The following SPEF2 variants were observed in gnomAD, a reference collection of about 807,000 sequenced individuals.
The protein encoded by SPEF2 is sperm flagellar and cilia associated 2.
In SPEF2, 187 loss-of-function variants were observed where a neutral mutation model predicts 224.6. That is an observed-to-expected ratio of 0.83 (90% CI 0.74 to 0.94). SPEF2 has a LOEUF of 0.94. SPEF2 is among the 40% of genes least tolerant of loss of function. The pLI is 0.00. For missense variants in SPEF2, 2,170 were observed against 2,135.6 expected (o/e 1.02, Z -0.32); for synonymous variants, 715 against 707.3 (o/e 1.01, Z -0.17).
In SPEF2 at chr5:35,654,722, A is replaced by G. The variant is rs761923694; in HGVS notation, c.974A>G (p.Gln325Arg). 1.9e-6 allele frequency: 3 copies of G among 1,605,028 alleles called. No individual in the cohort carries two copies. Among genetic ancestry groups the G allele is most frequent in the South Asian group, 2.2e-5 (2 of 88,982 alleles). The change falls in exon 7 of 37, where the codon CAA (glutamine) becomes CGA (arginine). Residue 325 changes from glutamine to arginine, a missense_variant. Physicochemically the swap from Gln to Arg is conservative, Grantham distance 43 (BLOSUM62 1). Coordinates refer to ENST00000356031, the MANE Select transcript of SPEF2 (RefSeq NM_024867.4). ...LMDQLIAHEA[Q>R]EEAYREEQLI... ...GACCAGTTAATAGCCCACGAAGCAC[A>G]AGAGGTAAGATATTTAGATGAAGGT...
intron 21 of SPEF2, among the ~76,000 whole-genome samples, chr5:35,737,676 G>A (rs997761091): frequency 4.0e-4 from 61 of 152,222 alleles, no homozygotes; most frequent in African/African-American, 1.3e-3. Context: ...ATAAACATAC[G>A]TATGCATGTG....
chr5:35,715,188 A>T (rs1475990249), intron 20 of SPEF2, among the ~76,000 whole-genome samples: 2 of 152,132 alleles, frequency 1.3e-5, no homozygotes, highest in Non-Finnish European at 2.9e-5. Context: ...AAGTGCTGGG[A>T]TTACAGGCCT....
intron 1 of SPEF2, among the ~76,000 whole-genome samples, chr5:35,624,162 C>T (rs1424958949): frequency 6.6e-6 from 1 of 152,088 alleles, no homozygotes; most frequent in African/African-American, 2.4e-5. Flanking sequence ...CTGTCCCAGC[C>T]TAACATTATC....
At position 35,659,086 on chromosome 5, in the gene SPEF2, C is replaced by T; in HGVS notation, c.1046C>T (p.Ala349Val). The change falls in exon 8 of 37, where the codon GCC (alanine) becomes GTC (valine). Residue 349 changes from alanine (A) to valine (V), a missense_variant. Coordinates refer to ENST00000356031, the MANE Select transcript of SPEF2 (RefSeq NM_024867.4). ...CAGTCCCAGCAGGAGCGCAGGATTGCCGTGCAGCTCATGCATGTTCGGCAT... is the reference window on the plus strand; with the variant it reads ...CAGTCCCAGCAGGAGCGCAGGATTGTCGTGCAGCTCATGCATGTTCGGCAT... ...MRQSQQERRIAVQLMHVRHEK... is the reference protein window; with the variant it reads ...MRQSQQERRIVVQLMHVRHEK... 6.2e-7 allele frequency: 1 copy of T among 1,611,564 alleles called. No individual in the cohort carries two copies. The highest frequency in any genetic ancestry group is 8.5e-7 in the Non-Finnish European group (1 of 1,178,544).
At chr5:35,763,024 G>A (rs935557356) in intron 25 of SPEF2, among the ~76,000 whole-genome samples, 1 of 152,148 alleles carries the variant, frequency 6.6e-6, no homozygotes, top group Admixed American at 6.5e-5. Flanking sequence ...ATGTGTTACT[G>A]TCAGAGGAGA....
chr5:35,667,176 G>A lies in SPEF2; in HGVS notation c.1272G>A (p.Lys424=), dbSNP rs1487825165. ...AVERAQARYE[K]HYSVCAEILD... ...AAAGAGCTCAAGCTCGTTATGAAAA[G>A]CATTATTCAGTATGTGCAGAAATTT... The change falls in exon 9 of 37, where the codon AAG becomes AAA. Residue 424 remains lysine (K), a synonymous_variant. Coordinates refer to ENST00000356031, the MANE Select transcript of SPEF2 (RefSeq NM_024867.4). 24 of 1,612,174 alleles carry A rather than the reference G, an allele frequency of 1.5e-5. No individual in the cohort carries two copies. Among genetic ancestry groups the A allele is most frequent in the Non-Finnish European group, 2.0e-5 (23 of 1,179,160 alleles).
chr5:35,783,734 C>G (rs1754672125), intron 30 of SPEF2, among the ~76,000 whole-genome samples: 1 of 152,132 alleles, frequency 6.6e-6, no homozygotes, highest in Non-Finnish European at 1.5e-5. Context: ...CAAACAAAAG[C>G]ATTCATTTTG....
intron 30 of SPEF2, chr5:35,781,803 A>G (rs1369874812): frequency 6.6e-6 from 1 of 152,182 alleles, no homozygotes; most frequent in Middle Eastern, 3.2e-3. Flanking sequence ...TTTTAGGTAT[A>G]TCTAAAATAA....
chr5:35,663,063 A>T (rs555042756), intron 8 of SPEF2, among the ~76,000 whole-genome samples: 1 of 152,248 alleles, frequency 6.6e-6, no homozygotes, highest in Non-Finnish European at 1.5e-5. Flanking sequence ...TCTATTAAGT[A>T]TTGCTGTGGA....
At position 35,771,675 on chromosome 5, in the gene SPEF2, G is replaced by GA; in HGVS notation, c.3873dup (p.Ser1292IlefsTer8). 1 of 1,611,730 alleles carries GA rather than the reference G, an allele frequency of 6.2e-7. No homozygotes were observed. The highest frequency in any genetic ancestry group is 8.5e-7 in the Non-Finnish European group (1 of 1,179,304). On this transcript the variant is annotated frameshift_variant, in exon 27 of 37. Transcript: ENST00000356031. LOFTEE classifies it high-confidence loss of function. ...AGAAAACCAGCCAGCAGACCCCAAA[G>GA]AAAAATCTCCTCAGATGGGTGCAAA...
intron 1 of SPEF2, among the ~76,000 whole-genome samples, chr5:35,620,134 CTG>C (rs2112110691): frequency 6.6e-6 from 1 of 152,286 alleles, no homozygotes; most frequent in South Asian, 2.1e-4. Flanking sequence ...ACACACTTAA[CTG>C]TGTTTGTAAG....
At chr5:35,643,564 A>G (rs1294096353) in intron 3 of SPEF2, 1 of 455,884 alleles carries the variant, frequency 2.2e-6, no homozygotes, top group Admixed American at 2.4e-5. Context: ...TGAAAATGGT[A>G]CAAGGACAAG....
intron 30 of SPEF2, among the ~76,000 whole-genome samples, chr5:35,785,891 C>T (rs1755048216): frequency 6.6e-6 from 1 of 152,072 alleles, no homozygotes; most frequent in African/African-American, 2.4e-5. Context: ...TGCGCAGCTG[C>T]TCCATTTTCC....
Position 35,806,912 on chromosome 5 carries a change from G to A in SPEF2, c.5216G>A (p.Arg1739Lys). ...KGGSEAQDSN[R>K]FASHLKIENI... ...GGAAGTGAAGCACAGGACTCCAATA[G>A]ATTTGCCAGCCACCTAAAGATAGAG... Residue 1739 changes from arginine to lysine, a missense_variant, in exon 35 of 37, where the codon AGA becomes AAA. Physicochemically the swap from Arg to Lys is conservative, Grantham distance 26. Transcript: ENST00000356031. 1.2e-6 allele frequency: 2 copies of A among 1,612,016 alleles called. No individual in the cohort carries two copies. Among genetic ancestry groups the A allele is most frequent in the Non-Finnish European group, 1.7e-6 (2 of 1,179,448 alleles).
intron 23 of SPEF2, among the ~76,000 whole-genome samples, chr5:35,751,025 G>GTATATATATATA (rs1229060564): frequency 1.5e-5 from 1 of 68,746 alleles, no homozygotes; most frequent in Admixed American, 1.7e-4. Context: ...ATATATATAC[G>GTATATATATATA]TATATATATA....
chr5:35,812,839 C>T (rs1377251332), intron 36 of SPEF2, among the ~76,000 whole-genome samples: 1 of 152,216 alleles, frequency 6.6e-6, no homozygotes, highest in African/African-American at 2.4e-5. Flanking sequence ...AGGAGACTTT[C>T]ATCCCTCTTG....
intron 10 of SPEF2, among the ~76,000 whole-genome samples, chr5:35,685,861 C>CAAA (rs374830821): frequency 3.1e-5 from 4 of 130,894 alleles, no homozygotes; most frequent in East Asian, 4.3e-4. Flanking sequence ...ATACCTTCCT[C>CAAA]AAAAAAAAAA....
At chr5:35,786,254 G>A (rs1580729828) in intron 30 of SPEF2, among the ~76,000 whole-genome samples, 1 of 152,346 alleles carries the variant, frequency 6.6e-6, no homozygotes, top group East Asian at 1.9e-4. Flanking sequence ...GTAAGAAAAT[G>A]CAGGCAGTAG....
chr5:35,763,488 T>C (rs1156688229), intron 25 of SPEF2, 34 bp from the exon 26 acceptor site: 3 of 1,505,790 alleles, frequency 2.0e-6, no homozygotes, highest in African/African-American at 2.8e-5. Flanking sequence ...TTAAGCAAAA[T>C]TTTTTATCCT....
Sources: allele counts gnomAD v4.1 joint callset (sites outside exome capture counted in the v4.1 genomes callset), GRCh38; gene constraint gnomAD v4.1.1; transcripts MANE v1.5; gene names NCBI Gene and HGNC (gene_info 2026-07-23, HGNC 2026-07-21).